PTPRD: variants seen among roughly 807,000 people sequenced by gnomAD.
PTPRD encodes the protein receptor-type tyrosine-protein phosphatase delta.
In PTPRD, 34 loss-of-function variants were observed where a neutral mutation model predicts 214.5. The ratio of observed to expected loss-of-function variants is 0.16; its 90% CI spans 0.12 to 0.21. The LOEUF is 0.21. PTPRD is among the 10% of genes least tolerant of loss of function. PTPRD has a pLI of 1.00. For synonymous variants in PTPRD, 1,128 were observed against 845.7 expected (o/e 1.33, Z -5.79); for missense variants, 2,545 against 2,398.7 (o/e 1.06, Z -1.27).
intron 7 of PTPRD, among the ~76,000 whole-genome samples, chr9:9,596,626 AT>A (rs561290019): frequency 5.7e-4 from 86 of 152,172 alleles, no homozygotes; most frequent in African/African-American, 2.0e-3. Context: ...ACAGTGACAA[AT>A]AAAAAGCTGA....
chr9:10,477,716 A>G (rs1444873716), intron 2 of PTPRD, among the ~76,000 whole-genome samples: 1 of 152,160 alleles, frequency 6.6e-6, no homozygotes, highest in Non-Finnish European at 1.5e-5. Flanking sequence ...AATAGCAAAG[A>G]CTTGGAACCA....
Position 8,762,471 on chromosome 9 carries a change from CTTAAT to C in PTPRD, c.-103-28530_-103-28526del, listed in dbSNP as rs527584006. Among the ~76,000 whole-genome samples, 30 of 152,094 alleles carry C rather than the reference CTTAAT, an allele frequency of 2.0e-4. No homozygotes were observed. The East Asian group carries it at 5.4e-3, about 27-fold the overall frequency. On this transcript the variant is annotated intron_variant, in intron 11 of 45. Transcript: ENST00000381196. ...ATGAGAATAAATCTTTTATTATTTTCTTAATTTAATTCAATTTCAAGCATTTTCAT... is the reference window on the plus strand; with the variant it reads ...ATGAGAATAAATCTTTTATTATTTTCTTAATTCAATTTCAAGCATTTTCAT...
intron 3 of PTPRD, among the ~76,000 whole-genome samples, chr9:10,235,099 C>T (rs980061096): frequency 6.6e-6 from 1 of 151,736 alleles, no homozygotes; most frequent in African/African-American, 2.4e-5. Context: ...TTCTAGACAG[C>T]CCTTACTTTT....
intron 14 of PTPRD, among the ~76,000 whole-genome samples, chr9:8,542,091 T>G (rs796751177): frequency 6.6e-5 from 10 of 151,880 alleles, no homozygotes; most frequent in African/African-American, 2.4e-4. Context: ...ACACAGCAAA[T>G]TAGAAAAAGG....
chr9:8,788,108 G>A (rs952926526), intron 11 of PTPRD, among the ~76,000 whole-genome samples: 2 of 151,874 alleles, frequency 1.3e-5, no homozygotes, highest in African/African-American at 2.4e-5. Flanking sequence ...AGGATGTATC[G>A]AAAACATTCT....
At chr9:8,741,781 G>A (rs1327408846) in intron 11 of PTPRD, among the ~76,000 whole-genome samples, 3 of 151,752 alleles carry the variant, frequency 2.0e-5, no homozygotes, top group South Asian at 4.2e-4. Context: ...AGTAGAGACA[G>A]GATTTCACTA....
At chr9:8,599,411 T>C (rs549088179) in intron 14 of PTPRD, among the ~76,000 whole-genome samples, 4 of 152,214 alleles carry the variant, frequency 2.6e-5, no homozygotes, top group South Asian at 2.1e-4. Context: ...ACAAAAGTCA[T>C]TGAAGCATCA....
At chr9:10,474,532 A>G (rs2099050697) in intron 2 of PTPRD, among the ~76,000 whole-genome samples, 1 of 152,102 alleles carries the variant, frequency 6.6e-6, no homozygotes, top group Non-Finnish European at 1.5e-5. Context: ...CTCCCACACA[A>G]TAATAGTAGG....
chr9:9,290,287 C>T (rs1286756203), intron 9 of PTPRD, among the ~76,000 whole-genome samples: 2 of 151,686 alleles, frequency 1.3e-5, no homozygotes, highest in African/African-American at 4.8e-5. Context: ...AGGTCCTTTG[C>T]TAATTTTTAA....
At chr9:9,286,558 CT>C (rs1949433606) in intron 9 of PTPRD, among the ~76,000 whole-genome samples, 1 of 151,578 alleles carries the variant, frequency 6.6e-6, no homozygotes, top group Non-Finnish European at 1.5e-5. Context: ...TTTCTAATTA[CT>C]TTTTCCCTTA....
At chr9:9,386,464 T>C (rs1744632392) in intron 9 of PTPRD, among the ~76,000 whole-genome samples, 1 of 151,474 alleles carries the variant, frequency 6.6e-6, no homozygotes, top group African/African-American at 2.4e-5. Flanking sequence ...GTGGTTGCAT[T>C]AGCCTTTCTG....
intron 8 of PTPRD, among the ~76,000 whole-genome samples, chr9:9,522,092 G>A (rs1798066596): frequency 6.7e-6 from 1 of 150,290 alleles, no homozygotes; most frequent in Non-Finnish European, 1.5e-5. Flanking sequence ...GGGAGGCGGA[G>A]GTTGTGGTGA....
chr9:10,125,543 C>T (rs2098811622), intron 3 of PTPRD, among the ~76,000 whole-genome samples: 1 of 150,792 alleles, frequency 6.6e-6, no homozygotes, highest in Non-Finnish European at 1.5e-5. Flanking sequence ...CAAGCTCTGC[C>T]TCCCAGGTTC....
intron 2 of PTPRD, among the ~76,000 whole-genome samples, chr9:10,478,058 A>C (rs1281624669): frequency 6.6e-6 from 1 of 152,052 alleles, no homozygotes; most frequent in Non-Finnish European, 1.5e-5. Flanking sequence ...TAACAGGTTG[A>C]TAGGTGCAGG....
At chr9:10,514,500 A>G (rs182382142) in intron 2 of PTPRD, among the ~76,000 whole-genome samples, 43 of 151,684 alleles carry the variant, frequency 2.8e-4, no homozygotes, top group South Asian at 1.5e-3. Flanking sequence ...AGGTGATTTG[A>G]TTTTCTCTTA....
chr9:10,316,889 G>C (rs1269413142), intron 3 of PTPRD, among the ~76,000 whole-genome samples: 1 of 151,774 alleles, frequency 6.6e-6, no homozygotes, highest in African/African-American at 2.4e-5. Flanking sequence ...TACACTGTAG[G>C]CTGAGTGTTT....
intron 3 of PTPRD, among the ~76,000 whole-genome samples, chr9:10,192,639 A>G (rs1008337851): frequency 6.6e-6 from 1 of 152,104 alleles, no homozygotes; most frequent in African/African-American, 2.4e-5. Context: ...TAGGAAGACC[A>G]GAGACATTGA....
intron 2 of PTPRD, among the ~76,000 whole-genome samples, chr9:10,356,985 A>G (rs2097291808): frequency 6.6e-6 from 1 of 152,068 alleles, no homozygotes; most frequent in South Asian, 2.1e-4. Context: ...CCGGCCCATA[A>G]GAACAGTTTT....
chr9:10,611,632 C>G (rs1235592904), intron 2 of PTPRD, among the ~76,000 whole-genome samples: 2 of 152,102 alleles, frequency 1.3e-5, no homozygotes, highest in African/African-American at 2.4e-5. Context: ...GTTTTTGATG[C>G]AGAGATATTC....
Sources: allele counts gnomAD v4.1 joint callset (sites outside exome capture counted in the v4.1 genomes callset), GRCh38; gene constraint gnomAD v4.1.1; transcripts MANE v1.5; gene names NCBI Gene and HGNC (gene_info 2026-07-23, HGNC 2026-07-21).